The following APLF variants were observed in gnomAD, a reference collection of about 807,000 sequenced individuals.
APLF encodes aprataxin and PNKP like factor, also known as aprataxin and PNK-like factor.
In APLF, 61 loss-of-function variants were observed where a neutral mutation model predicts 55.6. The observed-to-expected ratio is 1.10, with a 90% CI of 0.89 to 1.36. APLF has a LOEUF of 1.36. Ranked by LOEUF, APLF falls within the 40% of genes most tolerant of loss-of-function variation. The pLI, the probability that APLF is intolerant of heterozygous loss-of-function variation, is 0.00. For missense variants in APLF, 611 were observed against 602.5 expected (o/e 1.01, Z -0.15); for synonymous variants, 207 against 214.8 (o/e 0.96, Z 0.32).
At chr2:68,569,360 G>A (rs1048442559) in intron 9 of APLF, among the ~76,000 whole-genome samples, 1 of 152,114 alleles carries the variant, frequency 6.6e-6, no homozygotes, top group African/African-American at 2.4e-5. Flanking sequence ...AAGATGGTAG[G>A]ATTTCAGTCA....
At chr2:68,485,462 G>A (rs1462837359) in intron 1 of APLF, among the ~76,000 whole-genome samples, 1 of 152,140 alleles carries the variant, frequency 6.6e-6, no homozygotes, top group African/African-American at 2.4e-5. Flanking sequence ...TGGTGATGTG[G>A]TAAGTGTAAT....
chr2:68,513,259 C>T, intron 4 of APLF, 32 bp downstream of exon 4: 1 of 1,575,130 alleles, frequency 6.3e-7, no homozygotes, highest in Non-Finnish European at 8.6e-7. Context: ...CCATTTATAA[C>T]ATGTTCTTCA....
chr2:68,531,917 C>T (rs954680794), intron 6 of APLF, among the ~76,000 whole-genome samples: 3 of 152,126 alleles, frequency 2.0e-5, no homozygotes, highest in South Asian at 2.1e-4. Flanking sequence ...CAACCAGGTC[C>T]GAGGAATGCC....
At chr2:68,484,575 C>A (rs1676067803) in intron 1 of APLF, among the ~76,000 whole-genome samples, 1 of 151,864 alleles carries the variant, frequency 6.6e-6, no homozygotes, top group South Asian at 2.1e-4. Flanking sequence ...GCCTGTAATC[C>A]CAGCTACCCG....
chr2:68,506,885 A>T (rs754014517), intron 3 of APLF, among the ~76,000 whole-genome samples: 5 of 152,020 alleles, frequency 3.3e-5, no homozygotes, highest in Non-Finnish European at 7.4e-5. Flanking sequence ...TTGAGGGAAA[A>T]AACCCAAAAA....
chr2:68,565,631 A>C (rs930284329), intron 8 of APLF, among the ~76,000 whole-genome samples: 1 of 152,112 alleles, frequency 6.6e-6, no homozygotes, highest in African/African-American at 2.4e-5. Flanking sequence ...TTTTTCAAGC[A>C]GATGGTTCTA....
chr2:68,490,295 C>T (rs1256132756), intron 2 of APLF, 34 bp downstream of exon 2: 1 of 1,573,288 alleles, frequency 6.4e-7, no homozygotes, highest in African/African-American at 1.4e-5. Context: ...TTTTAACTTT[C>T]ATCTCTTACC....
chr2:68,478,261 A>G (rs926076504), intron 1 of APLF, among the ~76,000 whole-genome samples: 1 of 152,244 alleles, frequency 6.6e-6, no homozygotes, highest in African/African-American at 2.4e-5. Flanking sequence ...CCATTTCAAA[A>G]TAAATGAATA....
intron 1 of APLF, among the ~76,000 whole-genome samples, chr2:68,485,591 G>A (rs536823480): frequency 6.6e-6 from 1 of 152,000 alleles, no homozygotes; most frequent in African/African-American, 2.4e-5. Context: ...CCTTTTTCTT[G>A]TTGGGAAATA....
In APLF at chr2:68,578,071, G is replaced by A; in HGVS notation, c.*49G>A. ...TGCCTTACATTTACTTTTTCTTTGT[G>A]GGAAAACATTTATGAACTAAGGAGG... On this transcript the variant is annotated 3_prime_UTR_variant, in exon 10 of 10. Transcript: ENST00000303795. The A allele has an allele frequency of 6.4e-7, 1 of 1,567,418 alleles. No homozygotes were observed. Among genetic ancestry groups the A allele is most frequent in the Non-Finnish European group, 8.6e-7 (1 of 1,158,298 alleles).
In APLF at chr2:68,565,251, T is replaced by C. The variant is rs1446630193; in HGVS notation, c.1287-2090T>C. On this transcript the variant is annotated intron_variant, in intron 8 of 9. Transcript: ENST00000303795. ...TCTTGGTTTTATCAAGTAATTTAAA[T>C]TTATGTATTTATAATACTTCCTATT... 2.0e-5 allele frequency among the ~76,000 whole-genome samples: 3 copies of C among 152,070 alleles called. No homozygotes were observed. In the East Asian group the frequency reaches 5.8e-4, roughly 29 times the overall value.
At chr2:68,517,802 A>G (rs577369976) in intron 5 of APLF, among the ~76,000 whole-genome samples, 50 of 143,996 alleles carry the variant, frequency 3.5e-4, no homozygotes, top group African/African-American at 6.3e-4. Flanking sequence ...TTAATATATA[A>G]CAGTAATATA....
chr2:68,553,977 A>G (rs1027193974), intron 8 of APLF, among the ~76,000 whole-genome samples: 4 of 151,962 alleles, frequency 2.6e-5, no homozygotes, highest in Admixed American at 1.3e-4. Flanking sequence ...TTTTTTATAC[A>G]CCTAGGTGAT....
intron 8 of APLF, among the ~76,000 whole-genome samples, chr2:68,550,301 G>C (rs923988773): frequency 6.6e-6 from 1 of 151,924 alleles, no homozygotes; most frequent in African/African-American, 2.4e-5. Context: ...GCGCAATCTC[G>C]GCTCTCTGCA....
chr2:68,493,582 A>G (rs1676434465), intron 2 of APLF, among the ~76,000 whole-genome samples: 1 of 152,240 alleles, frequency 6.6e-6, no homozygotes, highest in African/African-American at 2.4e-5. Flanking sequence ...CAGGGAGAAG[A>G]TATTTGAAAC....
intron 6 of APLF, 148 bp downstream of exon 6, chr2:68,526,390 G>A: frequency 6.9e-7 from 1 of 1,447,802 alleles, no homozygotes; most frequent in Non-Finnish European, 9.6e-7. Flanking sequence ...CAGACTTACT[G>A]AAACTAATCT....
intron 2 of APLF, 60 bp downstream of exon 2, chr2:68,490,321 C>T: frequency 7.1e-7 from 1 of 1,406,060 alleles, no homozygotes; most frequent in Admixed American, 1.9e-5. Flanking sequence ...AGTTCCCAAG[C>T]AGAGGTGCCT....
chr2:68,519,055 A>G (rs1357284661), intron 5 of APLF, among the ~76,000 whole-genome samples: 2 of 127,438 alleles, frequency 1.6e-5, no homozygotes, highest in African/African-American at 5.9e-5. Flanking sequence ...AATATAATAT[A>G]TAATTAATAT....
chr2:68,467,700 C>T lies in APLF; in HGVS notation c.-32C>T, dbSNP rs1259036668. 4.9e-6 allele frequency: 6 copies of T among 1,230,982 alleles called. No homozygotes were observed. The highest frequency in any genetic ancestry group is 1.5e-5 in the African/African-American group (1 of 64,536). The allele number at this position is 1,230,982 out of a possible 1,614,324, so 76.3% of individuals were successfully genotyped here. On this transcript the variant is annotated 5_prime_UTR_variant, in exon 1 of 10. Transcript: ENST00000303795. ...GGGCGGAAACAGCGGAGGGGCCAGT[C>T]TCCTGGCGAAGGGGCCTAATCCTTG...
Sources: gnomAD v4.1 joint callset for allele counts (sites outside exome capture counted in the v4.1 genomes callset) on GRCh38, gnomAD v4.1.1 for gene constraint, MANE v1.5 for transcripts, NCBI Gene and HGNC (gene_info 2026-07-23, HGNC 2026-07-21) for gene names.